ZNF716: variants seen among roughly 807,000 people sequenced by gnomAD.
The protein encoded by ZNF716 is zinc finger protein 716.
Under a neutral mutation model 13.4 loss-of-function variants are expected in ZNF716, and 9 were observed. The observed-to-expected ratio is 0.67, with a 90% CI of 0.41 to 1.18. ZNF716 has a LOEUF of 1.18. Ranked by LOEUF, ZNF716 falls within the 50% of genes most tolerant of loss-of-function variation. The probability of loss-of-function intolerance (pLI) is 0.01; values close to 1 mark genes in which losing one functional copy is unlikely to be tolerated. For missense variants in ZNF716, 581 were observed against 576.6 expected (o/e 1.01, Z -0.08); for synonymous variants, 186 against 195.2 (o/e 0.95, Z 0.39).
chr7:57,471,302 C>G lies in ZNF716; in HGVS notation c.*1353C>G, dbSNP rs1442162751. ...TGGTGGTGTGCACCTGTAATCCCAGCTACTCAGGAGGCTGAAGCAGGAGAA... is the reference window on the plus strand; with the variant it reads ...TGGTGGTGTGCACCTGTAATCCCAGGTACTCAGGAGGCTGAAGCAGGAGAA... On this transcript the variant is annotated 3_prime_UTR_variant, in exon 4 of 4. Coordinates refer to ENST00000420713, the MANE Select transcript of ZNF716 (RefSeq NM_001159279.1). 6.6e-6 allele frequency: 1 copy of G among 151,914 alleles called. No individual in the cohort carries two copies. Among genetic ancestry groups the G allele is most frequent in the Non-Finnish European group, 1.5e-5 (1 of 68,064 alleles). 9.4% of individuals were successfully genotyped at this position (151,914 alleles called of 1,614,324 possible).
chr7:57,467,091 T>A lies in ZNF716; in HGVS notation c.263-1633T>A, dbSNP rs1789830425. ...TACATTGGAGATTTTAGAAAACCTCTTAATTTACAACAGTATATTTTAAAC... is the reference window on the plus strand; with the variant it reads ...TACATTGGAGATTTTAGAAAACCTCATAATTTACAACAGTATATTTTAAAC... On this transcript the variant is annotated intron_variant, in intron 3 of 3. Transcript: ENST00000420713. Among the ~76,000 whole-genome samples the A allele has an allele frequency of 6.0e-5, 3 of 50,314 alleles. No homozygotes were observed. In the South Asian group the frequency reaches 2.3e-3, roughly 38 times the overall value. 33.0% of individuals were successfully genotyped at this position (50,314 alleles called of 152,430 possible).
Position 57,468,802 on chromosome 7 carries a change from G to A in ZNF716, c.341G>A (p.Arg114Lys). 1 of 1,613,678 alleles carries A rather than the reference G, an allele frequency of 6.2e-7. No homozygotes were observed. Among genetic ancestry groups the A allele is most frequent in the Admixed American group, 1.7e-5 (1 of 59,922 alleles). The stretch of plus-strand genomic sequence containing the variant: ...TCACTCCAAAAAGTGATACTGAGAA[G>A]ATATGGAAAATGTGGACAGGAGGAT... ...KDSLQKVILR[R>K]YGKCGQEDLQ... The change falls in exon 4 of 4, where the codon AGA becomes AAA. Residue 114 changes from arginine to lysine, a missense_variant. Coordinates refer to ENST00000420713, the MANE Select transcript of ZNF716 (RefSeq NM_001159279.1).
At chr7:57,461,917 T>C (rs1235311885) in intron 1 of ZNF716, among the ~76,000 whole-genome samples, 1 of 152,102 alleles carries the variant, frequency 6.6e-6, no homozygotes, top group African/African-American at 2.4e-5. Context: ...CCCAGTATTT[T>C]GGGAGGCCGA....
intron 1 of ZNF716, among the ~76,000 whole-genome samples, chr7:57,457,083 A>G (rs1175278988): frequency 6.6e-6 from 1 of 152,102 alleles, no homozygotes; most frequent in Non-Finnish European, 1.5e-5. Flanking sequence ...CCACCACAGC[A>G]CTTATGCTTT....
Position 57,462,526 on chromosome 7 carries a change from G to C in ZNF716, c.106G>C (p.Ala36Pro). The change falls in exon 2 of 4, where the codon GCT (alanine) becomes CCT (proline). Residue 36 changes from alanine (A) to proline (P), a missense_variant. By Grantham distance (27) the Ala-to-Pro change is conservative (BLOSUM62 -1). Coordinates refer to ENST00000420713, the MANE Select transcript of ZNF716 (RefSeq NM_001159279.1). ...SLAEWQCLDH[A>P]QQNLYRDVML... ...GGCGGAATGGCAATGCCTGGATCAT[G>C]CTCAGCAGAATTTATATAGAGATGT... is the stretch of plus-strand genomic sequence containing the variant. The C allele has an allele frequency of 6.2e-7, 1 of 1,613,870 alleles. No individual in the cohort carries two copies. Among genetic ancestry groups the C allele is most frequent in the South Asian group, 1.1e-5 (1 of 91,046 alleles).
At chr7:57,452,934 G>A (rs1789524537) in intron 1 of ZNF716, among the ~76,000 whole-genome samples, 1 of 152,096 alleles carries the variant, frequency 6.6e-6, no homozygotes, top group Non-Finnish European at 1.5e-5. Flanking sequence ...GCGGTATGAA[G>A]TGTAGCCTTC....
At chr7:57,466,249 A>G (rs1411274176) in intron 3 of ZNF716, among the ~76,000 whole-genome samples, 1 of 152,166 alleles carries the variant, frequency 6.6e-6, no homozygotes, top group African/African-American at 2.4e-5. Flanking sequence ...TATATAAAAA[A>G]GAATATTGTG....
chr7:57,467,950 C>T (rs573160346), intron 3 of ZNF716, among the ~76,000 whole-genome samples: 4 of 151,316 alleles, frequency 2.6e-5, no homozygotes, highest in East Asian at 1.9e-4. Flanking sequence ...TTGATTGGAC[C>T]GTGTTGCCCT....
In ZNF716 at chr7:57,450,333, T is replaced by C. The variant is rs1160283333; in HGVS notation, c.39+6T>C. On this transcript the variant is annotated splice_donor_region_variant and intron_variant, in intron 1 of 3. Transcript: ENST00000420713. ...CCCCTGGAAGCCGAGAAATGGTGAG[T>C]GCTGGGTCTGTCACCGTGAGAGAGG... The C allele has an allele frequency of 1.2e-6, 2 of 1,613,272 alleles. No individual in the cohort carries two copies. Among genetic ancestry groups the C allele is most frequent in the Non-Finnish European group, 8.5e-7 (1 of 1,179,886 alleles).
Sources: allele counts gnomAD v4.1 joint callset (sites outside exome capture counted in the v4.1 genomes callset), GRCh38; gene constraint gnomAD v4.1.1; transcripts MANE v1.5; gene names NCBI Gene and HGNC (gene_info 2026-07-23, HGNC 2026-07-21).